RHBDD1: variants seen among roughly 807,000 people sequenced by gnomAD.
RHBDD1 encodes the protein rhomboid domain containing 1, also known as rhomboid-related protein 4.
RHBDD1 carries 38 observed loss-of-function variants against 36.3 expected under a neutral mutation model. That is an observed-to-expected ratio of 1.05 (90% CI 0.81 to 1.37). The LOEUF is 1.37. RHBDD1 is among the 40% of genes most tolerant of loss of function. RHBDD1 has a pLI of 0.00. For missense variants in RHBDD1, 393 were observed against 377.6 expected, an observed-to-expected ratio of 1.04 and a Z score of -0.34; for synonymous variants, 151 against 136.5, an observed-to-expected ratio of 1.11 and a Z score of -0.74.
intron 3 of RHBDD1, among the ~76,000 whole-genome samples, chr2:226,859,655 A>G (rs1169623195): frequency 6.6e-6 from 1 of 152,150 alleles, no homozygotes; most frequent in African/African-American, 2.4e-5. Context: ...TTTATACTAT[A>G]ATCCTGGAGC....
intron 8 of RHBDD1, among the ~76,000 whole-genome samples, chr2:226,986,551 A>G (rs1348595864): frequency 6.6e-6 from 1 of 152,250 alleles, no homozygotes; most frequent in African/African-American, 2.4e-5. Context: ...AAAAGAAGAC[A>G]TTTATGTGGC....
chr2:226,944,914 G>A (rs1950874665), intron 8 of RHBDD1, among the ~76,000 whole-genome samples: 1 of 152,078 alleles, frequency 6.6e-6, no homozygotes, highest in South Asian at 2.1e-4. Flanking sequence ...TTTTCATAGA[G>A]GAGCGAGGGG....
intron 8 of RHBDD1, among the ~76,000 whole-genome samples, chr2:226,963,791 A>G (rs1387851729): frequency 2.6e-5 from 4 of 151,874 alleles, no homozygotes. Context: ...ATGCACATTA[A>G]CCTCTCAACT....
chr2:226,828,051 C>CCAT, the RHBDD1 span, among the ~76,000 whole-genome samples: 316 of 152,296 alleles, frequency 2.1e-3, 4 homozygotes, highest in African/African-American at 7.3e-3. Context: ...TTATAGGCAA[C>CCAT]CATCATCACT....
At chr2:226,914,172 T>C in intron 7 of RHBDD1, 36 bp from the exon 8 acceptor site, 1 of 1,607,038 alleles carries the variant, frequency 6.2e-7, no homozygotes, top group Non-Finnish European at 8.5e-7. Flanking sequence ...CAACAGTCCA[T>C]AGCTGTGTTC....
chr2:226,972,720 A>C (rs559011545), intron 8 of RHBDD1, among the ~76,000 whole-genome samples: 1 of 152,218 alleles, frequency 6.6e-6, no homozygotes, highest in Non-Finnish European at 1.5e-5. Context: ...AACGGCACAG[A>C]CTGGTCTCTC....
At chr2:226,984,922 G>T (rs1203339360) in intron 8 of RHBDD1, among the ~76,000 whole-genome samples, 1 of 151,280 alleles carries the variant, frequency 6.6e-6, no homozygotes, top group East Asian at 1.9e-4. Flanking sequence ...CTCTCCTGGG[G>T]GTTGGGGTGG....
In RHBDD1 at chr2:226,995,985, A is replaced by T. The variant is rs1403344944; in HGVS notation, c.*463A>T. On this transcript the variant is annotated 3_prime_UTR_variant, in exon 9 of 9. Transcript: ENST00000392062. Reference sequence around the variant, plus strand: ...GCCACTGTGGCTGTCCAGGAACAGGATGTGGCTGCCTTGGCCGAATGTTGT... The same window carrying T: ...GCCACTGTGGCTGTCCAGGAACAGGTTGTGGCTGCCTTGGCCGAATGTTGT... The T allele has an allele frequency of 6.7e-4, 106 of 159,234 alleles. No individual in the cohort carries two copies. The highest frequency in any genetic ancestry group is 1.4e-5 in the Non-Finnish European group (1 of 72,998). The allele number at this position is 159,234 out of a possible 1,614,324, so 9.9% of individuals were successfully genotyped here. A position where few individuals can be genotyped will look rare whatever the true frequency, so the allele number is the denominator to read the frequency against.
chr2:226,902,617 G>A (rs1032581105), intron 5 of RHBDD1, among the ~76,000 whole-genome samples: 1 of 152,128 alleles, frequency 6.6e-6, no homozygotes, highest in African/African-American at 2.4e-5. Flanking sequence ...TTTTATGTGT[G>A]TGATGTTGAG....
chr2:226,825,758 AG>A, the RHBDD1 span, among the ~76,000 whole-genome samples: 1 of 152,260 alleles, frequency 6.6e-6, no homozygotes, highest in Non-Finnish European at 1.5e-5. Context: ...TGTATTAGAA[AG>A]AAAGGTGAAA....
intron 5 of RHBDD1, among the ~76,000 whole-genome samples, chr2:226,882,684 T>C (rs1384143430): frequency 1.3e-5 from 2 of 152,152 alleles, no homozygotes; most frequent in African/African-American, 4.8e-5. Flanking sequence ...CTAATGTCTT[T>C]TATCTATCCC....
At chr2:226,939,685 ACTTCC>A (rs1163402235) in intron 8 of RHBDD1, among the ~76,000 whole-genome samples, 4 of 152,220 alleles carry the variant, frequency 2.6e-5, no homozygotes, top group African/African-American at 9.7e-5. Flanking sequence ...AAATGGTCAC[ACTTCC>A]CAAAGCAGTT....
At chr2:226,929,487 G>A (rs763756878) in intron 8 of RHBDD1, among the ~76,000 whole-genome samples, 8 of 151,946 alleles carry the variant, frequency 5.3e-5, no homozygotes, top group Non-Finnish European at 1.0e-4. Flanking sequence ...ACTAGGAATC[G>A]AAGGAATATA....
chr2:226,929,831 G>A (rs1559283723), intron 8 of RHBDD1, among the ~76,000 whole-genome samples: 1 of 151,956 alleles, frequency 6.6e-6, no homozygotes, highest in Non-Finnish European at 1.5e-5. Flanking sequence ...CAAATCAGTA[G>A]CACTGCTACA....
At chr2:226,910,364 A>G (rs1241009166) in intron 7 of RHBDD1, among the ~76,000 whole-genome samples, 1 of 152,212 alleles carries the variant, frequency 6.6e-6, no homozygotes, top group Non-Finnish European at 1.5e-5. Context: ...GATTTCTTCA[A>G]AGGCAGAGCT....
chr2:226,869,392 T>G (rs1944601607), intron 5 of RHBDD1, among the ~76,000 whole-genome samples: 1 of 152,240 alleles, frequency 6.6e-6, no homozygotes, highest in Admixed American at 6.5e-5. Context: ...CAGTGAATGC[T>G]TCTTTGAGAT....
At chr2:226,927,499 T>A (rs1949743520) in intron 8 of RHBDD1, among the ~76,000 whole-genome samples, 1 of 151,886 alleles carries the variant, frequency 6.6e-6, no homozygotes, top group Non-Finnish European at 1.5e-5. Context: ...CACATAGGAG[T>A]AGGGTTTCTG....
chr2:226,916,127 C>T (rs1286355351), intron 8 of RHBDD1, among the ~76,000 whole-genome samples: 1 of 152,196 alleles, frequency 6.6e-6, no homozygotes, highest in Non-Finnish European at 1.5e-5. Flanking sequence ...TATGCTGGCA[C>T]AATGTCAGTT....
chr2:226,962,106 A>G (rs191307740), intron 8 of RHBDD1, among the ~76,000 whole-genome samples: 1 of 152,200 alleles, frequency 6.6e-6, no homozygotes, highest in Non-Finnish European at 1.5e-5. Flanking sequence ...TACTCTTTCC[A>G]GTAACCTGTA....
Sources: gnomAD v4.1 joint callset for allele counts (sites outside exome capture counted in the v4.1 genomes callset) on GRCh38, gnomAD v4.1.1 for gene constraint, MANE v1.5 for transcripts, NCBI Gene and HGNC (gene_info 2026-07-23, HGNC 2026-07-21) for gene names.